The following SNRNP200 variants were observed in gnomAD, a reference collection of about 807,000 sequenced individuals.
SNRNP200 encodes U5 small nuclear ribonucleoprotein 200 kDa helicase.
A neutral mutation model predicts 255.2 loss-of-function variants in SNRNP200; 66 were observed. That is an observed-to-expected ratio of 0.26 (90% CI 0.21 to 0.32). The LOEUF (loss-of-function observed/expected upper bound fraction) is 0.32, where lower values mean the gene tolerates loss of function less well. Ranked by LOEUF, SNRNP200 falls within the 10% of genes least tolerant of loss-of-function variation. SNRNP200 has a pLI of 1.00. For synonymous variants in SNRNP200, 939 were observed against 1,027.8 expected (o/e 0.91, Z 1.65); for missense variants, 1,585 against 2,749.8 (o/e 0.58, Z 9.47).
At chr2:96,292,858 G>T in intron 16 of SNRNP200, 114 bp downstream of exon 16, 1 of 1,237,972 alleles carries the variant, frequency 8.1e-7, no homozygotes, top group Non-Finnish European at 1.2e-6. Flanking sequence ...AGCTGATATT[G>T]GTGATTTATG....
chr2:96,304,899 G>C (rs2063977006), intron 1 of SNRNP200, 31 bp from the exon 2 acceptor site: 1 of 1,606,312 alleles, frequency 6.2e-7, no homozygotes, highest in African/African-American at 1.3e-5. Context: ...TTGAAGCTTT[G>C]ACATGAGCAG....
At position 96,286,827 on chromosome 2, in the gene SNRNP200, G is replaced by A. The variant is rs200634658; in HGVS notation, c.3690C>T (p.Ser1230=). 67 of 1,614,014 alleles carry A rather than the reference G, an allele frequency of 4.2e-5. No individual in the cohort carries two copies. Among genetic ancestry groups the A allele is most frequent in the East Asian group, 4.0e-4 (18 of 44,886 alleles). The stretch of plus-strand genomic sequence containing the variant: ...AATACTCATGGTGCAGAATCACCTC[G>A]CTGTCCACATCCTCCACCAGAATCC... ...AFWILVEDVD[S]EVILHHEYFL... is the part of the protein sequence containing the mutation. Residue 1230 remains serine (S), a synonymous_variant, in exon 28 of 45, where the codon AGC becomes AGT. Transcript: ENST00000323853. This position sits in a 1 kb window ranked among gnomAD's most constrained non-coding sequence, Gnocchi z 4.8.
intron 35 of SNRNP200, among the ~76,000 whole-genome samples, chr2:96,280,087 AT>A (rs1465189937): frequency 6.6e-6 from 1 of 152,210 alleles, no homozygotes; most frequent in African/African-American, 2.4e-5. Flanking sequence ...ATAGTTGTGT[AT>A]TTCGTGAGTC....
intron 29 of SNRNP200, among the ~76,000 whole-genome samples, chr2:96,285,661 G>C (rs1474848766): frequency 6.6e-6 from 1 of 152,206 alleles, no homozygotes; most frequent in African/African-American, 2.4e-5. Flanking sequence ...TAGGATGCGG[G>C]ACAGAAAGGA....
At chr2:96,300,962 A>AAAAACAAG in intron 5 of SNRNP200, 36 bp downstream of exon 5, 1 of 1,594,934 alleles carries the variant, frequency 6.3e-7, no homozygotes, top group Non-Finnish European at 8.6e-7. Flanking sequence ...AATCAACGTC[A>AAAAACAAG]AAAACAAGAA....
chr2:96,279,590 G>T, intron 35 of SNRNP200, 31 bp from the exon 36 acceptor site: 4 of 1,455,592 alleles, frequency 2.7e-6, no homozygotes, highest in Non-Finnish European at 3.9e-6. Context: ...AGAAGGAAAA[G>T]CCACCTCAAC....
In SNRNP200 at chr2:96,277,189, G is replaced by A. The variant is rs906884331; in HGVS notation, c.5984C>T (p.Ala1995Val). The change falls in exon 42 of 45, where the codon GCG becomes GTG. Residue 1995 changes from alanine to valine, a missense_variant. Around this residue, in one of 9 missense-constraint regions of SNRNP200, gnomAD observed 279 missense variants for 551.2 expected, o/e 0.51. Coordinates refer to ENST00000323853, the MANE Select transcript of SNRNP200 (RefSeq NM_014014.5). The surrounding 1 kb of genome is among the most constrained non-coding windows in gnomAD (Gnocchi z 4.4). ...IMEMEDEERN[A>V]LLQLTDSQIA... Reference sequence around the variant, plus strand: ...CTGGCTGTCAGTCAGCTGAAGCAACGCGTTCCGTTCTTCATCCTCCATCTC... The same window carrying A: ...CTGGCTGTCAGTCAGCTGAAGCAACACGTTCCGTTCTTCATCCTCCATCTC... 7 of 1,614,178 alleles carry A rather than the reference G, an allele frequency of 4.3e-6. No individual in the cohort carries two copies. The highest frequency in any genetic ancestry group is 5.1e-6 in the Non-Finnish European group (6 of 1,180,018).
intron 6 of SNRNP200, 147 bp from the exon 7 acceptor site, chr2:96,299,114 T>A: frequency 1.8e-6 from 2 of 1,094,568 alleles, no homozygotes; most frequent in Admixed American, 3.9e-5. Flanking sequence ...GAATATTGAG[T>A]TCAGAAGCAC....
In SNRNP200 at chr2:96,297,632, C is replaced by T. The variant is rs2063924971; in HGVS notation, c.1203+5G>A. On this transcript the variant is annotated splice_donor_5th_base_variant and intron_variant, in intron 10 of 44. Transcript: ENST00000323853. ...GCCTGGGAAATAAATCGCCCTGGAT[C>T]CTACCTCTCCACCCTGGTCGAGATC... 6.2e-7 allele frequency: 1 copy of T among 1,614,104 alleles called. No homozygotes were observed. The highest frequency in any genetic ancestry group is 1.3e-5 in the African/African-American group (1 of 74,940).
In SNRNP200 at chr2:96,283,626, G is replaced by A. The variant is rs1292102557; in HGVS notation, c.4672C>T (p.Pro1558Ser). The change falls in exon 33 of 45, where the codon CCT (proline) becomes TCT (serine). Residue 1558 changes from proline (P) to serine (S), a missense_variant. Around this residue, in one of 9 missense-constraint regions of SNRNP200, gnomAD observed 719 missense variants for 1,091.1 expected, o/e 0.66. Coordinates refer to ENST00000323853, the MANE Select transcript of SNRNP200 (RefSeq NM_014014.5). This position sits in a 1 kb window ranked among gnomAD's most constrained non-coding sequence, Gnocchi z 4.7. ...HAITKHSPKK[P>S]VIVFVPSRKQ... is the part of the protein sequence containing the mutation. ...CGAGACGGCACAAAGACAATGACAG[G>A]CTTCTTGGGCGAGTGCTTGGTGATA... is the stretch of plus-strand genomic sequence containing the variant. 2 of 1,614,140 alleles carry A rather than the reference G, an allele frequency of 1.2e-6. No homozygotes were observed. Among genetic ancestry groups the A allele is most frequent in the Non-Finnish European group, 8.5e-7 (1 of 1,180,050 alleles).
At chr2:96,285,710 G>A (rs1364181496) in intron 29 of SNRNP200, among the ~76,000 whole-genome samples, 3 of 152,198 alleles carry the variant, frequency 2.0e-5, no homozygotes, top group Non-Finnish European at 4.4e-5. Context: ...ACTCTCCTGC[G>A]TTTCCTAGAA....
In SNRNP200 at chr2:96,274,812, A is replaced by ATGCT; in HGVS notation, c.*196_*199dup. On this transcript the variant is annotated 3_prime_UTR_variant, in exon 45 of 45. Coordinates refer to ENST00000323853, the MANE Select transcript of SNRNP200 (RefSeq NM_014014.5). ...TGCCTGAAAATGCTATATATGATTT[A>ATGCT]TGCTTGACCCATGACACCTGCTGTC... 1.6e-6 allele frequency: 1 copy of ATGCT among 639,950 alleles called. No homozygotes were observed. Among genetic ancestry groups the ATGCT allele is most frequent in the Non-Finnish European group, 2.8e-6 (1 of 357,344 alleles). 39.6% of individuals were successfully genotyped at this position (639,950 alleles called of 1,614,324 possible).
intron 2 of SNRNP200, 90 bp from the exon 3 acceptor site, chr2:96,303,420 A>G: frequency 6.8e-7 from 1 of 1,468,814 alleles, no homozygotes; most frequent in Admixed American, 1.7e-5. Context: ...CCTCAGCTTC[A>G]TGGCAAGAAG....
chr2:96,280,371 G>A (rs1684738179), intron 35 of SNRNP200, among the ~76,000 whole-genome samples: 2 of 151,984 alleles, frequency 1.3e-5, no homozygotes, highest in South Asian at 4.1e-4. Context: ...GGTGGCACAT[G>A]CTGGTAGTCC....
At chr2:96,302,124 A>C (rs1164143128) in intron 3 of SNRNP200, among the ~76,000 whole-genome samples, 1 of 152,232 alleles carries the variant, frequency 6.6e-6, no homozygotes, top group Non-Finnish European at 1.5e-5. Context: ...GAGATAAACT[A>C]TCTGGATCAT....
At chr2:96,275,797 T>TC (rs1345375149) in intron 43 of SNRNP200, among the ~76,000 whole-genome samples, 2 of 152,176 alleles carry the variant, frequency 1.3e-5, no homozygotes, top group African/African-American at 4.8e-5. Context: ...GGCCAGGAGA[T>TC]CGAGACCATA....
intron 35 of SNRNP200, chr2:96,281,411 C>T (rs1171371944): frequency 1.8e-5 from 5 of 274,986 alleles, no homozygotes; most frequent in Admixed American, 9.3e-5. Context: ...TCAAGTGATC[C>T]GCCCGCCTCA....
intron 13 of SNRNP200, among the ~76,000 whole-genome samples, chr2:96,296,223 C>T (rs1460138767): frequency 6.6e-6 from 1 of 152,190 alleles, no homozygotes; most frequent in African/African-American, 2.4e-5. Flanking sequence ...GGTCTATTAT[C>T]ATCCACATCC....
At chr2:96,300,129 C>G (rs2063943488) in intron 5 of SNRNP200, among the ~76,000 whole-genome samples, 1 of 152,154 alleles carries the variant, frequency 6.6e-6, no homozygotes, top group African/African-American at 2.4e-5. Context: ...GGTATATATA[C>G]CGGGGCTCCA....
Sources: gnomAD v4.1 joint callset for allele counts (sites outside exome capture counted in the v4.1 genomes callset) on GRCh38, gnomAD v4.1.1 for gene constraint, gnomAD v4.1.1 regional missense constraint, Gnocchi (gnomAD v3.1) non-coding constraint, MANE v1.5 for transcripts, NCBI Gene and HGNC (gene_info 2026-07-23, HGNC 2026-07-21) for gene names.